The following EPS15L1 variants were observed in gnomAD, a reference collection of about 807,000 sequenced individuals.
The protein encoded by EPS15L1 is epidermal growth factor receptor pathway substrate 15 like 1, also known as epidermal growth factor receptor substrate 15-like 1.
In EPS15L1, 43 loss-of-function variants were observed where a neutral mutation model predicts 117.1. The observed-to-expected ratio is 0.37, with a 90% CI of 0.29 to 0.47. The LOEUF (loss-of-function observed/expected upper bound fraction) is 0.47. Among genes scored for constraint, EPS15L1 ranks in the 20% least tolerant of loss-of-function variants. EPS15L1 has a pLI of 0.99. For synonymous variants in EPS15L1, 459 were observed against 470.5 expected, an observed-to-expected ratio of 0.98 and a Z score of 0.32; for missense variants, 981 against 1,164.0, an observed-to-expected ratio of 0.84 and a Z score of 2.29.
intron 9 of EPS15L1, among the ~76,000 whole-genome samples, chr19:16,422,561 T>C (rs1805656820): frequency 6.6e-6 from 1 of 152,048 alleles, no homozygotes; most frequent in Non-Finnish European, 1.5e-5. Context: ...GATTGTTCCT[T>C]CTCCACGCAG....
At chr19:16,376,463 G>C (rs1410354545) in intron 22 of EPS15L1, among the ~76,000 whole-genome samples, 2 of 152,214 alleles carry the variant, frequency 1.3e-5, no homozygotes, top group African/African-American at 4.8e-5. Context: ...AGGAGACATT[G>C]GCAGCACTGG....
In EPS15L1 at chr19:16,408,459, T is replaced by C. The variant is rs140503601; in HGVS notation, c.1267-3710A>G. ...GCTAACATGGTGAAACCCAGTAAAA[T>C]ACAAATTTGTAAAAATACAAATTTT... On this transcript the variant is annotated intron_variant, in intron 13 of 23. Transcript: ENST00000455140. Among the ~76,000 whole-genome samples the C allele has an allele frequency of 1.1e-3, 158 of 144,714 alleles. 3 individuals carry two copies. In the East Asian group the frequency reaches 0.025, roughly 23 times the overall value. The allele number at this position is 144,714 out of a possible 152,430, so 94.9% of individuals were successfully genotyped here.
intron 21 of EPS15L1, chr19:16,384,289 A>T (rs1599556004): frequency 6.6e-6 from 1 of 152,234 alleles, no homozygotes; most frequent in East Asian, 1.9e-4. Context: ...CCAAAGAAAA[A>T]TGCTCCTCAC....
chr19:16,393,365 C>T (rs1006140786), intron 18 of EPS15L1, among the ~76,000 whole-genome samples: 1 of 151,760 alleles, frequency 6.6e-6, no homozygotes, highest in Admixed American at 6.6e-5. Context: ...AAAAATAAAT[C>T]GGTCGGGCAT....
In EPS15L1 at chr19:16,404,683, C is replaced by T. The variant is rs1343588966; in HGVS notation, c.1333G>A (p.Ala445Thr). 1.2e-6 allele frequency: 2 copies of T among 1,614,218 alleles called. No individual in the cohort carries two copies. Among genetic ancestry groups the T allele is most frequent in the African/African-American group, 1.3e-5 (1 of 75,050 alleles). ...TCCATCTCGTCCAGGCGGTCTTGAG[C>T]ATCCTGTTTCTGAGCCTCGAGCTCC... The part of the protein sequence containing the change: ...LQELEAQKQD[A>T]QDRLDEMDQQ... Residue 445 changes from alanine (A) to threonine (T), a missense_variant, in exon 14 of 24, where the codon GCT (alanine) becomes ACT (threonine). This residue lies in a region of EPS15L1 where 819 missense variants were observed against 949.0 expected (regional missense o/e 0.86). Transcript: ENST00000455140. This position sits in a 1 kb window ranked among gnomAD's most constrained non-coding sequence, Gnocchi z 4.2.
intron 16 of EPS15L1, among the ~76,000 whole-genome samples, chr19:16,398,080 A>C (rs2092559148): frequency 6.6e-6 from 1 of 152,196 alleles, no homozygotes; most frequent in Non-Finnish European, 1.5e-5. Flanking sequence ...TCCAAAAGAA[A>C]GTTTCCTAGC....
At chr19:16,429,395 C>G (rs1050409963) in intron 7 of EPS15L1, among the ~76,000 whole-genome samples, 2 of 152,226 alleles carry the variant, frequency 1.3e-5, no homozygotes, top group Non-Finnish European at 2.9e-5. Flanking sequence ...CAGGCCAACG[C>G]TGGGCAGGCT....
At chr19:16,387,283 G>A (rs2092429889) in intron 19 of EPS15L1, among the ~76,000 whole-genome samples, 1 of 152,180 alleles carries the variant, frequency 6.6e-6, no homozygotes, top group Non-Finnish European at 1.5e-5. Context: ...GGACAACATG[G>A]CAAAACCCTG....
chr19:16,413,202 T>C lies in EPS15L1; in HGVS notation c.1266+571A>G, dbSNP rs1305964790. The C allele has an allele frequency of 9.2e-6, 6 of 649,006 alleles. No homozygotes were observed. The East Asian group carries it at 1.8e-4, about 19-fold the overall frequency. 40.2% of individuals were successfully genotyped at this position (649,006 alleles called of 1,614,324 possible). ...CATTGTCCCCGTGTGCAGAGGCTAC[T>C]GGGGGAACAAGATCAGCAAACCCCA... is the stretch of plus-strand genomic sequence containing the variant. On this transcript the variant is annotated intron_variant, in intron 13 of 23. Transcript: ENST00000455140.
intron 1 of EPS15L1, among the ~76,000 whole-genome samples, chr19:16,468,437 C>T (rs1411022460): frequency 6.6e-6 from 1 of 152,202 alleles, no homozygotes; most frequent in African/African-American, 2.4e-5. Flanking sequence ...CCTCCGCCGC[C>T]TGGTTTCAAG....
intron 1 of EPS15L1, among the ~76,000 whole-genome samples, chr19:16,468,799 G>A (rs935936436): frequency 2.0e-5 from 3 of 152,166 alleles, no homozygotes; most frequent in Admixed American, 2.0e-4. Context: ...ATTGCTTGAG[G>A]CTAGGGGTTT....
intron 16 of EPS15L1, among the ~76,000 whole-genome samples, chr19:16,400,398 C>T (rs181830990): frequency 6.7e-6 from 1 of 149,584 alleles, no homozygotes; most frequent in East Asian, 2.0e-4. Flanking sequence ...TAAAGTCACA[C>T]TGCGTGAGCT....
intron 1 of EPS15L1, among the ~76,000 whole-genome samples, chr19:16,465,387 C>T (rs1197535620): frequency 6.6e-6 from 1 of 152,150 alleles, no homozygotes; most frequent in Non-Finnish European, 1.5e-5. Flanking sequence ...CCTTTGGATT[C>T]TCCTAAAGAC....
intron 1 of EPS15L1, among the ~76,000 whole-genome samples, chr19:16,445,522 T>C (rs2093074659): frequency 2.0e-5 from 3 of 152,366 alleles, no homozygotes; most frequent in East Asian, 1.9e-4. Flanking sequence ...GCCAGGCTTC[T>C]TCCCAGGAAC....
chr19:16,434,734 C>T (rs1428449708), intron 6 of EPS15L1: 4 of 396,650 alleles, frequency 1.0e-5, no homozygotes, highest in African/African-American at 8.2e-5. Context: ...GAGGCCCTGG[C>T]CCCGGGTCTT....
intron 11 of EPS15L1, 102 bp downstream of exon 11, chr19:16,417,829 AAGGCAGGGACCACAGGC>A: frequency 7.1e-7 from 1 of 1,407,598 alleles, no homozygotes; most frequent in Non-Finnish European, 9.7e-7. Context: ...CCTGTTGAGG[AAGGCAGGGACCACAGGC>A]AGCACCCGCC....
chr19:16,395,257 T>G, intron 17 of EPS15L1, 87 bp downstream of exon 17: 2 of 1,296,882 alleles, frequency 1.5e-6, no homozygotes, highest in Non-Finnish European at 2.1e-6. Flanking sequence ...TTGTGGCATG[T>G]CCTTACTTTT....
At chr19:16,368,589 C>T (rs2092172889) in intron 22 of EPS15L1, among the ~76,000 whole-genome samples, 1 of 152,022 alleles carries the variant, frequency 6.6e-6, no homozygotes, top group South Asian at 2.1e-4. Context: ...TCATTCCACA[C>T]AACAGGTGGT....
At chr19:16,388,462 GAT>G (rs1374702812) in intron 19 of EPS15L1, among the ~76,000 whole-genome samples, 1 of 152,114 alleles carries the variant, frequency 6.6e-6, no homozygotes, top group African/African-American at 2.4e-5. Flanking sequence ...GAAAACCAAA[GAT>G]AAAGAGAGAA....
Sources: gnomAD v4.1 joint callset for allele counts (sites outside exome capture counted in the v4.1 genomes callset) on GRCh38, gnomAD v4.1.1 for gene constraint, gnomAD v4.1.1 regional missense constraint, Gnocchi (gnomAD v3.1) non-coding constraint, MANE v1.5 for transcripts, NCBI Gene and HGNC (gene_info 2026-07-23, HGNC 2026-07-21) for gene names.